NTN4: variants seen among roughly 807,000 people sequenced by gnomAD.
The protein encoded by NTN4 is netrin-4.
A neutral mutation model predicts 73.6 loss-of-function variants in NTN4; 32 were observed. The observed-to-expected ratio is 0.44, with a 90% CI of 0.33 to 0.58. The LOEUF (loss-of-function observed/expected upper bound fraction) is 0.58. NTN4 is among the 20% of genes least tolerant of loss of function. NTN4 has a pLI of 0.04. For missense variants in NTN4, 654 were observed against 798.3 expected, an observed-to-expected ratio of 0.82 and a Z score of 2.18; for synonymous variants, 258 against 287.5, an observed-to-expected ratio of 0.90 and a Z score of 1.04.
rs1364674633 is a variant in NTN4, at chr12:95,672,744, T to A, written c.1511-2598A>T. 26 of 1,376,252 alleles carry A rather than the reference T, an allele frequency of 1.9e-5. No homozygotes were observed. In the East Asian group the frequency reaches 3.9e-4, roughly 21 times the overall value. The allele number at this position is 1,376,252 out of a possible 1,614,324, so 85.3% of individuals were successfully genotyped here. A position where few individuals can be genotyped will look rare whatever the true frequency, so the allele number is the denominator to read the frequency against. Reference sequence around the variant, plus strand: ...ATCGTAGGTATGCAGACCTCACAGATGATCAGCTATCCTCCTGTGAGAGTC... The same window carrying A: ...ATCGTAGGTATGCAGACCTCACAGAAGATCAGCTATCCTCCTGTGAGAGTC... On this transcript the variant is annotated intron_variant, in intron 7 of 9. Coordinates refer to ENST00000343702, the MANE Select transcript of NTN4 (RefSeq NM_021229.4).
upstream of NTN4, among the ~76,000 whole-genome samples, chr12:95,790,928 C>CGG (rs369924618): frequency 0.16 from 18,727 of 116,764 alleles, 2,059 homozygotes; most frequent in Non-Finnish European, 0.18. This position sits in a 1 kb window ranked among gnomAD's most constrained non-coding sequence, Gnocchi z 6.5. Context: ...CGCTGCCGCC[C>CGG]GGGGGGGGGG....
intron 3 of NTN4, among the ~76,000 whole-genome samples, chr12:95,721,338 T>C (rs1169762854): frequency 6.6e-6 from 1 of 152,072 alleles, no homozygotes; most frequent in Non-Finnish European, 1.5e-5. Context: ...TGAAGACAGG[T>C]GAATACAGAG....
chr12:95,779,693 G>A (rs1451402115), intron 2 of NTN4, among the ~76,000 whole-genome samples: 5 of 151,912 alleles, frequency 3.3e-5, no homozygotes, highest in African/African-American at 4.8e-5. Context: ...CATGCTCATG[G>A]GTAGGAAGAA....
chr12:95,697,746 T>G (rs1301292386), intron 5 of NTN4, among the ~76,000 whole-genome samples: 2 of 152,100 alleles, frequency 1.3e-5, no homozygotes, highest in Admixed American at 6.5e-5. Flanking sequence ...TGGGTCACGG[T>G]GTGTAATACA....
chr12:95,665,610 C>CT (rs1386130577), intron 9 of NTN4, 200 bp downstream of exon 9: 2 of 432,776 alleles, frequency 4.6e-6, no homozygotes, highest in African/African-American at 4.0e-5. Flanking sequence ...AAATATTAAA[C>CT]TTTTATAGAG....
chr12:95,714,280 T>G (rs2121095962), intron 3 of NTN4, among the ~76,000 whole-genome samples: 1 of 152,316 alleles, frequency 6.6e-6, no homozygotes, highest in South Asian at 2.1e-4. Context: ...TCAACCAAGA[T>G]GCATTCCAGT....
chr12:95,741,717 C>T (rs753452110), intron 2 of NTN4, among the ~76,000 whole-genome samples: 28 of 149,194 alleles, frequency 1.9e-4, no homozygotes, highest in African/African-American at 3.2e-4. Context: ...AATAGAACAA[C>T]GAAAAATAAA....
intron 9 of NTN4, among the ~76,000 whole-genome samples, chr12:95,660,752 T>G (rs1056688760): frequency 6.6e-6 from 1 of 152,136 alleles, no homozygotes; most frequent in Non-Finnish European, 1.5e-5. Context: ...AAAAACGAAA[T>G]TAAGTGAATG....
intron 5 of NTN4, among the ~76,000 whole-genome samples, chr12:95,693,861 A>G (rs1276754344): frequency 6.6e-6 from 1 of 152,158 alleles, no homozygotes; most frequent in African/African-American, 2.4e-5. Flanking sequence ...ATATAGGACA[A>G]GAGTCACAGC....
intron 5 of NTN4, among the ~76,000 whole-genome samples, chr12:95,708,262 T>TTA (rs1259340830): frequency 8.6e-4 from 20 of 23,314 alleles, no homozygotes; most frequent in African/African-American, 2.3e-3. Flanking sequence ...GTTATTTTAT[T>TTA]TATTTATTTA....
At chr12:95,699,719 C>A (rs1565888720) in intron 5 of NTN4, among the ~76,000 whole-genome samples, 1 of 151,932 alleles carries the variant, frequency 6.6e-6, no homozygotes, top group Non-Finnish European at 1.5e-5. Context: ...CAGATGCTAT[C>A]TTGGTAAATG....
At chr12:95,722,903 G>A (rs2078659892) in intron 3 of NTN4, among the ~76,000 whole-genome samples, 1 of 140,856 alleles carries the variant, frequency 7.1e-6, no homozygotes, top group Non-Finnish European at 1.5e-5. Flanking sequence ...GAACCCGGAA[G>A]GCAGAGGTTG....
chr12:95,743,859 G>A (rs1204818791), intron 2 of NTN4, among the ~76,000 whole-genome samples: 2 of 152,072 alleles, frequency 1.3e-5, no homozygotes, highest in Admixed American at 1.3e-4. Flanking sequence ...TTTGCTTCAT[G>A]TATTTTGAAG....
At chr12:95,778,654 T>C (rs907304085) in intron 2 of NTN4, among the ~76,000 whole-genome samples, 1 of 152,236 alleles carries the variant, frequency 6.6e-6, no homozygotes, top group East Asian at 1.9e-4. Context: ...GGCTCTGAAA[T>C]TGAGGCAATA....
chr12:95,758,089 G>A (rs917742055), intron 2 of NTN4, among the ~76,000 whole-genome samples: 16 of 152,198 alleles, frequency 1.1e-4, no homozygotes, highest in African/African-American at 3.6e-4. Flanking sequence ...GTTATTTTTC[G>A]TGGGTACTTA....
At position 95,737,828 on chromosome 12, in the gene NTN4, T is replaced by C. The variant is rs778752788; in HGVS notation, c.864+38A>G. 43 of 1,580,162 alleles carry C rather than the reference T, an allele frequency of 2.7e-5. No homozygotes were observed. In the Middle Eastern group the frequency reaches 5.1e-4, roughly 19 times the overall value. On this transcript the variant is annotated intron_variant, in intron 3 of 9. Transcript: ENST00000343702. ...AATGCCCAAAGCTGAAGGTAACTTATGATTTGTTTTTCTTAGGGGAGGACT... is the reference window on the plus strand; with the variant it reads ...AATGCCCAAAGCTGAAGGTAACTTACGATTTGTTTTTCTTAGGGGAGGACT...
At chr12:95,666,919 G>A (rs955160766) in intron 8 of NTN4, among the ~76,000 whole-genome samples, 1 of 145,808 alleles carries the variant, frequency 6.9e-6, no homozygotes, top group Non-Finnish European at 1.5e-5. Context: ...TAACACTAAT[G>A]ATAGCTGATG....
At chr12:95,769,550 CAAAAAA>C (rs60702860) in intron 2 of NTN4, among the ~76,000 whole-genome samples, 44,387 of 130,348 alleles carry the variant, frequency 0.34, 7,615 homozygotes, top group Middle Eastern at 0.51. Flanking sequence ...ATTTATAGAC[CAAAAAA>C]AAAAAAAAAA....
intron 3 of NTN4, among the ~76,000 whole-genome samples, chr12:95,730,615 C>T (rs1191028034): frequency 1.3e-5 from 2 of 152,122 alleles, no homozygotes; most frequent in Non-Finnish European, 2.9e-5. Context: ...CAATTTCCAG[C>T]CATGAACGTG....
Sources: allele counts gnomAD v4.1 joint callset (sites outside exome capture counted in the v4.1 genomes callset), GRCh38; gene constraint gnomAD v4.1.1; non-coding constraint Gnocchi (gnomAD v3.1); transcripts MANE v1.5; gene names NCBI Gene and HGNC (gene_info 2026-07-23, HGNC 2026-07-21).